LRMDA: variants seen among roughly 807,000 people sequenced by gnomAD.
LRMDA encodes leucine-rich melanocyte differentiation-associated protein.
LRMDA carries 18 observed loss-of-function variants against 29.8 expected under a neutral mutation model. The ratio of observed to expected loss-of-function variants is 0.60; its 90% CI spans 0.42 to 0.90. The LOEUF (loss-of-function observed/expected upper bound fraction) is 0.90. Ranked by LOEUF, LRMDA falls within the 40% of genes least tolerant of loss-of-function variation. LRMDA has a pLI of 0.00. For missense variants in LRMDA, 273 were observed against 273.9 expected, an observed-to-expected ratio of 1.00 and a Z score of 0.02; for synonymous variants, 125 against 109.4, an observed-to-expected ratio of 1.14 and a Z score of -0.89.
chr10:75,443,995 A>G (rs747693573), intron 2 of LRMDA, among the ~76,000 whole-genome samples: 4 of 152,194 alleles, frequency 2.6e-5, no homozygotes, highest in Admixed American at 2.0e-4. Flanking sequence ...TTGTCTTGTC[A>G]TTCATTCTTA....
intron 2 of LRMDA, among the ~76,000 whole-genome samples, chr10:76,001,642 ATTAT>A (rs1357532698): frequency 2.0e-5 from 3 of 151,754 alleles, no homozygotes; most frequent in African/African-American, 4.8e-5. Flanking sequence ...TTATTATATT[ATTAT>A]TTATTTAATG....
chr10:76,518,325 A>G (rs922362651), intron 6 of LRMDA, among the ~76,000 whole-genome samples: 1 of 147,728 alleles, frequency 6.8e-6, no homozygotes, highest in Admixed American at 6.8e-5. Flanking sequence ...CTATCTATCT[A>G]TCATCTCTAT....
intron 6 of LRMDA, among the ~76,000 whole-genome samples, chr10:76,494,205 T>A (rs1420321787): frequency 3.3e-5 from 5 of 151,982 alleles, no homozygotes; most frequent in Non-Finnish European, 7.4e-5. Context: ...GGTTTAAACC[T>A]CCAGTCATAT....
intron 2 of LRMDA, among the ~76,000 whole-genome samples, chr10:76,012,979 A>G (rs1325162464): frequency 6.6e-6 from 1 of 152,142 alleles, no homozygotes; most frequent in African/African-American, 2.4e-5. Context: ...GATGGAATGT[A>G]TTTGTAAAAG....
intron 5 of LRMDA, among the ~76,000 whole-genome samples, chr10:76,081,330 C>T (rs907296226): frequency 1.6e-4 from 25 of 151,952 alleles, no homozygotes; most frequent in African/African-American, 2.2e-4. Flanking sequence ...AAAAATTAGC[C>T]GGGTGTGGTG....
chr10:76,397,467 G>C (rs1021512814), intron 6 of LRMDA, among the ~76,000 whole-genome samples: 1 of 152,246 alleles, frequency 6.6e-6, no homozygotes, highest in African/African-American at 2.4e-5. Flanking sequence ...GGGGGAAAAA[G>C]ATGAAATAAA....
intron 2 of LRMDA, among the ~76,000 whole-genome samples, chr10:75,496,807 TCTC>T (rs1181514286): frequency 3.3e-5 from 5 of 152,142 alleles, no homozygotes; most frequent in African/African-American, 1.2e-4. Flanking sequence ...TGGACCCACT[TCTC>T]AGAAAAATGC....
Position 75,890,920 on chromosome 10 carries a change from C to T in LRMDA, c.132-145088C>T, listed in dbSNP as rs1411844980. 2.6e-5 allele frequency among the ~76,000 whole-genome samples: 4 copies of T among 152,186 alleles called. No homozygotes were observed. In the South Asian group the frequency reaches 6.2e-4, roughly 24 times the overall value. On this transcript the variant is annotated intron_variant, in intron 2 of 6. Transcript: ENST00000611255. Reference sequence around the variant, plus strand: ...AGGAGTTCAAGACCAGCCTAGCCAACATGGTGAAACCCATCTCTACTAAAA... The same window carrying T: ...AGGAGTTCAAGACCAGCCTAGCCAATATGGTGAAACCCATCTCTACTAAAA...
intron 2 of LRMDA, among the ~76,000 whole-genome samples, chr10:75,467,728 C>T (rs1293603788): frequency 9.2e-5 from 14 of 151,880 alleles, no homozygotes; most frequent in Non-Finnish European, 1.9e-4. Context: ...TTTGGGAGGC[C>T]GAGGTGGGCA....
intron 2 of LRMDA, among the ~76,000 whole-genome samples, chr10:75,520,698 A>T (rs1432216439): frequency 6.6e-6 from 1 of 152,194 alleles, no homozygotes; most frequent in East Asian, 1.9e-4. Flanking sequence ...CGTCAAAGTC[A>T]TTCTCCGTCC....
chr10:75,738,060 T>G (rs1244615497), intron 2 of LRMDA, among the ~76,000 whole-genome samples: 1 of 152,218 alleles, frequency 6.6e-6, no homozygotes, highest in East Asian at 1.9e-4. Context: ...CATAGAAACT[T>G]CCACTTTTGT....
At chr10:76,006,013 C>T (rs1589285308) in intron 2 of LRMDA, among the ~76,000 whole-genome samples, 1 of 152,200 alleles carries the variant, frequency 6.6e-6, no homozygotes, top group Non-Finnish European at 1.5e-5. Context: ...GTGGTGAGAA[C>T]CCCTCTAATG....
At chr10:76,010,423 C>A (rs1847756848) in intron 2 of LRMDA, among the ~76,000 whole-genome samples, 1 of 151,940 alleles carries the variant, frequency 6.6e-6, no homozygotes, top group Non-Finnish European at 1.5e-5. Flanking sequence ...AGCAATTCTC[C>A]TGCCTCAGCC....
At chr10:76,427,918 A>G (rs1367205512) in intron 6 of LRMDA, among the ~76,000 whole-genome samples, 7 of 152,124 alleles carry the variant, frequency 4.6e-5, no homozygotes, top group Non-Finnish European at 7.4e-5. Context: ...ATTGATTTGC[A>G]TATGTTGAAC....
intron 5 of LRMDA, among the ~76,000 whole-genome samples, chr10:76,113,628 G>C (rs148034570): frequency 1.2e-4 from 19 of 152,242 alleles, no homozygotes; most frequent in African/African-American, 4.3e-4. Context: ...ATAGCAGAAA[G>C]GGCAGTGCTT....
At chr10:75,620,042 A>G (rs1589137299) in intron 2 of LRMDA, among the ~76,000 whole-genome samples, 1 of 152,226 alleles carries the variant, frequency 6.6e-6, no homozygotes, top group African/African-American at 2.4e-5. Context: ...AGAGTCTGCT[A>G]CCAAGGCAGC....
At chr10:76,174,085 C>T (rs1850888746) in intron 5 of LRMDA, among the ~76,000 whole-genome samples, 1 of 152,128 alleles carries the variant, frequency 6.6e-6, no homozygotes. Flanking sequence ...ATTCTGATTC[C>T]TCATTAACTT....
At chr10:76,374,112 G>A (rs551444399) in intron 6 of LRMDA, among the ~76,000 whole-genome samples, 1 of 152,274 alleles carries the variant, frequency 6.6e-6, no homozygotes, top group Non-Finnish European at 1.5e-5. Context: ...ATGATTTGCA[G>A]TTCACACTAA....
chr10:76,041,913 T>A (rs1848346944), intron 3 of LRMDA, among the ~76,000 whole-genome samples: 1 of 152,096 alleles, frequency 6.6e-6, no homozygotes, highest in Admixed American at 6.5e-5. Context: ...TACACATTTT[T>A]AAAAAAGGTA....
Sources: allele counts gnomAD v4.1 joint callset (sites outside exome capture counted in the v4.1 genomes callset), GRCh38; gene constraint gnomAD v4.1.1; transcripts MANE v1.5; gene names NCBI Gene and HGNC (gene_info 2026-07-23, HGNC 2026-07-21).